The following GLB1L3 variants were observed in gnomAD, a reference collection of about 807,000 sequenced individuals.
The protein encoded by GLB1L3 is beta-galactosidase-1-like protein 3.
GLB1L3 carries 89 observed loss-of-function variants against 89.5 expected under a neutral mutation model. The ratio of observed to expected loss-of-function variants is 0.99; its 90% CI spans 0.84 to 1.19. GLB1L3 has a LOEUF of 1.19. Ranked by LOEUF, GLB1L3 falls within the 50% of genes most tolerant of loss-of-function variation. The pLI is 0.00. For missense variants in GLB1L3, 812 were observed against 813.3 expected (o/e 1.00, Z 0.02); for synonymous variants, 314 against 312.3 (o/e 1.01, Z -0.06).
At chr11:134,318,845 T>C (rs1461540858) in intron 19 of GLB1L3, 32 bp from the exon 20 acceptor site, 12 of 1,596,034 alleles carry the variant, frequency 7.5e-6, no homozygotes, top group Non-Finnish European at 1.0e-5. Context: ...AGGCTTCACC[T>C]TTCCCACTGT....
chr11:134,305,056 G>A, intron 9 of GLB1L3: 1 of 1,539,924 alleles, frequency 6.5e-7, no homozygotes, highest in Non-Finnish European at 8.8e-7. Flanking sequence ...GCACAATGCT[G>A]TAGGCAGGGA....
At chr11:134,281,913 G>A (rs1328876491) in intron 4 of GLB1L3, 112 bp from the exon 5 acceptor site, 11 of 857,962 alleles carry the variant, frequency 1.3e-5, no homozygotes, top group South Asian at 5.0e-5. Flanking sequence ...GGGTGGGGCC[G>A]AGCCGTCCCT....
At chr11:134,322,666 G>A (rs1301766867), downstream of GLB1L3, among the ~76,000 whole-genome samples, 3 of 152,136 alleles carry the variant, frequency 2.0e-5, no homozygotes, top group Non-Finnish European at 2.9e-5. Flanking sequence ...AAGTGGAATC[G>A]AATATGTGAC....
At chr11:134,292,262 C>T (rs1212601886) in intron 8 of GLB1L3, 49 bp downstream of exon 8, 44 of 1,408,998 alleles carry the variant, frequency 3.1e-5, no homozygotes, top group Middle Eastern at 1.9e-4. Flanking sequence ...TCAGCCAGCC[C>T]GTGTAAATCT....
At chr11:134,313,556 T>C (rs1144215) in intron 16 of GLB1L3, 82 bp downstream of exon 16, 313,251 of 680,226 alleles carry the variant, frequency 0.46, 71,386 homozygotes, top group East Asian at 0.5. Context: ...CGGGAGAGGG[T>C]GGGGAAACCA....
rs1031943147 is a variant in GLB1L3, at chr11:134,311,323, G to A, written c.1287+153G>A. On this transcript the variant is annotated intron_variant, in intron 13 of 19. Transcript: ENST00000431683. ...GGGACAAGAGCCACCAGCTCCTTCCGGGTGGACTGTGAAGGGGTTTGACCT... is the reference window on the plus strand; with the variant it reads ...GGGACAAGAGCCACCAGCTCCTTCCAGGTGGACTGTGAAGGGGTTTGACCT... 21 of 674,972 alleles carry A rather than the reference G, an allele frequency of 3.1e-5. No individual in the cohort carries two copies. In the East Asian group the frequency reaches 4.2e-4, roughly 13 times the overall value. The allele number at this position is 674,972 out of a possible 1,614,324, so 41.8% of individuals were successfully genotyped here.
intron 9 of GLB1L3, among the ~76,000 whole-genome samples, chr11:134,294,484 T>G (rs368050981): frequency 1.1e-4 from 16 of 152,356 alleles, no homozygotes; most frequent in African/African-American, 3.8e-4. Context: ...TCTTCCTTTT[T>G]GTTCTTTTTT....
Position 134,310,650 on chromosome 11 carries a change from A to G in GLB1L3, c.1179A>G (p.Ser393=), listed in dbSNP as rs1942682811. ...TTCAAAAACTCTTTCAATCTGTCTC[A>G]GGTACTCAGCACCCATTTAACTTAC... ...LKLQKLFQSV[S]ATPLPRVPKL... is the part of the protein sequence containing the mutation. The change falls in exon 12 of 20, where the codon TCA becomes TCG. Residue 393 remains serine (S), a splice_region_variant and synonymous_variant. Coordinates refer to ENST00000431683, the MANE Select transcript of GLB1L3 (RefSeq NM_001080407.3). 1.2e-6 allele frequency: 2 copies of G among 1,610,110 alleles called. No homozygotes were observed. Among genetic ancestry groups the G allele is most frequent in the African/African-American group, 2.7e-5 (2 of 74,842 alleles).
chr11:134,312,220 T>C, intron 13 of GLB1L3, 129 bp from the exon 14 acceptor site: 1 of 1,004,502 alleles, frequency 1.0e-6, no homozygotes, highest in Non-Finnish European at 1.5e-6. Flanking sequence ...TCACATGGCA[T>C]CTGTTTCATC....
chr11:134,323,787 CT>C (rs536533644), downstream of GLB1L3, among the ~76,000 whole-genome samples: 11 of 151,182 alleles, frequency 7.3e-5, no homozygotes, highest in African/African-American at 1.9e-4. Flanking sequence ...AATATTAAGC[CT>C]TTTTTTTTCT....
chr11:134,301,283 G>A (rs955413309), intron 9 of GLB1L3, among the ~76,000 whole-genome samples: 1 of 152,168 alleles, frequency 6.6e-6, no homozygotes, highest in Admixed American at 6.5e-5. Context: ...TCCTCGCTGT[G>A]AGGATGGGAT....
intron 18 of GLB1L3, chr11:134,316,960 G>A (rs1301769067): frequency 6.6e-6 from 1 of 152,198 alleles, no homozygotes; most frequent in African/African-American, 2.4e-5. Flanking sequence ...GGCAAATAGT[G>A]TAGACCGAAG....
chr11:134,301,516 C>T (rs930631958), intron 9 of GLB1L3, among the ~76,000 whole-genome samples: 1 of 152,094 alleles, frequency 6.6e-6, no homozygotes, highest in Non-Finnish European at 1.5e-5. Context: ...CGTTTTTACT[C>T]TGTCTTAACA....
intron 9 of GLB1L3, among the ~76,000 whole-genome samples, chr11:134,295,022 T>C (rs1941555719): frequency 6.6e-6 from 1 of 152,262 alleles, no homozygotes; most frequent in East Asian, 1.9e-4. Context: ...AGTTTATTCA[T>C]ATTTTTGTTG....
chr11:134,289,526 A>C (rs1316961681), intron 7 of GLB1L3, among the ~76,000 whole-genome samples: 2 of 152,218 alleles, frequency 1.3e-5, no homozygotes, highest in Non-Finnish European at 2.9e-5. Flanking sequence ...ACAGCAGTCA[A>C]GACAATCACT....
chr11:134,317,874 T>C (rs192883363), intron 18 of GLB1L3, among the ~76,000 whole-genome samples: 1 of 152,328 alleles, frequency 6.6e-6, no homozygotes, highest in East Asian at 1.9e-4. Flanking sequence ...ACATTTTTGG[T>C]AAATTAAGAA....
intron 9 of GLB1L3, among the ~76,000 whole-genome samples, chr11:134,294,935 C>A (rs1262429771): frequency 1.3e-5 from 2 of 152,172 alleles, no homozygotes; most frequent in Non-Finnish European, 2.9e-5. Flanking sequence ...GTGGTTTTTG[C>A]ATGTTGAACC....
intron 9 of GLB1L3, among the ~76,000 whole-genome samples, chr11:134,297,642 T>C (rs112917049): frequency 2.6e-5 from 4 of 151,892 alleles, no homozygotes; most frequent in African/African-American, 9.7e-5. Flanking sequence ...GGGCGGATCA[T>C]TTGAGGTCAG....
At chr11:134,292,403 C>G in intron 8 of GLB1L3, 190 bp downstream of exon 8, 1 of 514,106 alleles carries the variant, frequency 1.9e-6, no homozygotes, top group Admixed American at 3.2e-5. Flanking sequence ...CTCACAGCTC[C>G]CTATCTTGGC....
Sources: allele counts gnomAD v4.1 joint callset (sites outside exome capture counted in the v4.1 genomes callset), GRCh38; gene constraint gnomAD v4.1.1; transcripts MANE v1.5; gene names NCBI Gene and HGNC (gene_info 2026-07-23, HGNC 2026-07-21).